Variants in SEC11A observed in about 807,000 individuals in gnomAD.
SEC11A encodes the protein signal peptidase complex catalytic subunit SEC11A.
A neutral mutation model predicts 25.6 loss-of-function variants in SEC11A; 14 were observed. The ratio of observed to expected loss-of-function variants is 0.55; its 90% CI spans 0.36 to 0.85. The LOEUF (loss-of-function observed/expected upper bound fraction) is 0.85. Among genes scored for constraint, SEC11A ranks in the 40% least tolerant of loss-of-function variants. SEC11A has a pLI of 0.01. For synonymous variants in SEC11A, 83 were observed against 76.4 expected (o/e 1.09, Z -0.45); for missense variants, 153 against 222.9 (o/e 0.69, Z 2.00).
At chr15:84,681,319 G>A (rs182731057) in intron 3 of SEC11A, among the ~76,000 whole-genome samples, 80 of 152,274 alleles carry the variant, frequency 5.3e-4, no homozygotes, top group Non-Finnish European at 2.2e-4. Context: ...AGAAAGTTAG[G>A]GAAGTAACCT....
rs766970019 is a variant in SEC11A, at chr15:84,680,773, C to G, written c.371G>C (p.Gly124Ala). 1.9e-6 allele frequency: 3 copies of G among 1,612,328 alleles called. No homozygotes were observed. The highest frequency in any genetic ancestry group is 2.2e-5 in the South Asian group (2 of 90,960). ...CCAATGTTGTCCTTGTTTATAGAGG[C>G]CTCGGTCATCAACCGCATTATTATC... is the stretch of plus-strand genomic sequence containing the variant. The part of the protein sequence containing the change: ...KGDNNAVDDR[G>A]LYKQGQHWLE... The change falls in exon 4 of 6, where the codon GGC becomes GCC. Residue 124 changes from glycine to alanine, a missense_variant. Physicochemically the swap from Gly to Ala is moderately conservative, Grantham distance 60. Coordinates refer to ENST00000268220, the MANE Select transcript of SEC11A (RefSeq NM_014300.4).
At chr15:84,687,390 G>C (rs1258310636) in intron 3 of SEC11A, among the ~76,000 whole-genome samples, 1 of 152,176 alleles carries the variant, frequency 6.6e-6, no homozygotes, top group African/African-American at 2.4e-5. Context: ...AGGTTGGGAA[G>C]TAAAAGGGAA....
intron 3 of SEC11A, among the ~76,000 whole-genome samples, chr15:84,683,623 C>G (rs1257580166): frequency 2.0e-5 from 3 of 151,752 alleles, no homozygotes; most frequent in African/African-American, 7.3e-5. Flanking sequence ...ATGACGCGAT[C>G]TTGGCTCACT....
rs551041625 is a variant in SEC11A, at chr15:84,690,445, G to A, written c.161+1090C>T. 5.0e-4 allele frequency among the ~76,000 whole-genome samples: 76 copies of A among 152,060 alleles called. No homozygotes were observed. In the South Asian group the frequency reaches 0.014, roughly 28 times the overall value. ...CAGCATGAAAATGGACTAATACACC[G>A]TCTCTACAAAAAAATTAAAAAATTA... On this transcript the variant is annotated intron_variant, in intron 2 of 5. Transcript: ENST00000268220.
intron 1 of SEC11A, among the ~76,000 whole-genome samples, chr15:84,713,194 A>C (rs1378019053): frequency 1.4e-5 from 2 of 138,218 alleles, no homozygotes; most frequent in African/African-American, 5.6e-5. Context: ...ACTCCGTCTC[A>C]AAAAAAAAAA....
chr15:84,700,593 C>CAAAAAAAAAAAAAAA (rs776113920), intron 1 of SEC11A, among the ~76,000 whole-genome samples: 1 of 36,102 alleles, frequency 2.8e-5, no homozygotes, highest in Non-Finnish European at 4.4e-5. Flanking sequence ...GACTCTGTCT[C>CAAAAAAAAAAAAAAA]AAAAAAAAAA....
intron 1 of SEC11A, among the ~76,000 whole-genome samples, chr15:84,696,719 A>G (rs1035434676): frequency 1.3e-5 from 2 of 152,212 alleles, no homozygotes; most frequent in Non-Finnish European, 2.9e-5. Context: ...TTTTGGCAGC[A>G]AAACAAAAAT....
intron 1 of SEC11A, among the ~76,000 whole-genome samples, chr15:84,703,961 T>C (rs1018835532): frequency 6.6e-6 from 1 of 152,136 alleles, no homozygotes; most frequent in Non-Finnish European, 1.5e-5. Context: ...CCCAACGGAC[T>C]CATGACCAAA....
At chr15:84,713,772 T>G (rs1194571237) in intron 1 of SEC11A, among the ~76,000 whole-genome samples, 2 of 152,210 alleles carry the variant, frequency 1.3e-5, no homozygotes, top group Non-Finnish European at 2.9e-5. Flanking sequence ...GGTTTGCAAG[T>G]GCTGAGTGAA....
intron 1 of SEC11A, among the ~76,000 whole-genome samples, chr15:84,713,661 C>T (rs1351366730): frequency 6.6e-6 from 1 of 152,196 alleles, no homozygotes; most frequent in African/African-American, 2.4e-5. Context: ...GCAGAGTAGC[C>T]TATTCATTGT....
chr15:84,674,047 T>A (rs1897072228), intron 4 of SEC11A, among the ~76,000 whole-genome samples: 1 of 152,094 alleles, frequency 6.6e-6, no homozygotes, highest in Admixed American at 6.5e-5. Flanking sequence ...AAGTACAATT[T>A]TAGTGTGAGA....
At chr15:84,679,122 G>C (rs1897218623) in intron 4 of SEC11A, 1 of 341,286 alleles carries the variant, frequency 2.9e-6, no homozygotes. Context: ...AAGTGACTTT[G>C]CTTTTTGATT....
At chr15:84,682,669 T>G (rs2141881930) in intron 3 of SEC11A, among the ~76,000 whole-genome samples, 2 of 152,240 alleles carry the variant, frequency 1.3e-5, no homozygotes, top group Non-Finnish European at 2.9e-5. Flanking sequence ...CAGGCTGGTC[T>G]GGAACTCCTG....
chr15:84,712,119 T>C (rs1898292518), intron 1 of SEC11A, among the ~76,000 whole-genome samples: 1 of 152,030 alleles, frequency 6.6e-6, no homozygotes, highest in South Asian at 2.1e-4. Context: ...CACACATCCA[T>C]AGTCCCAACT....
intron 1 of SEC11A, among the ~76,000 whole-genome samples, chr15:84,709,634 G>A (rs1479123417): frequency 6.6e-6 from 1 of 151,990 alleles, no homozygotes; most frequent in Non-Finnish European, 1.5e-5. Context: ...GTAGAGACGG[G>A]GCTTCACTAC....
chr15:84,678,903 A>G (rs1453993030), intron 4 of SEC11A, among the ~76,000 whole-genome samples: 1 of 152,026 alleles, frequency 6.6e-6, no homozygotes, highest in African/African-American at 2.4e-5. Flanking sequence ...CTGAGGCACA[A>G]GAATCTTTTA....
chr15:84,708,881 T>C (rs1467819201), intron 1 of SEC11A, among the ~76,000 whole-genome samples: 1 of 151,996 alleles, frequency 6.6e-6, no homozygotes. Flanking sequence ...TACTAAGAGA[T>C]AGGAAGATAT....
rs1173296799 is a variant in SEC11A at position 84,687,886 on chromosome 15, C to G, written c.162-112G>C. Reference sequence around the variant, plus strand: ...TATCACTTTGGGAGTATACTCAATACCCTAACAACTATATCAACAGAAATG... The same window carrying G: ...TATCACTTTGGGAGTATACTCAATAGCCTAACAACTATATCAACAGAAATG... On this transcript the variant is annotated intron_variant, in intron 2 of 5. Coordinates refer to ENST00000268220, the MANE Select transcript of SEC11A (RefSeq NM_014300.4). 3.6e-6 allele frequency: 3 copies of G among 833,292 alleles called. No homozygotes were observed. In the South Asian group the frequency reaches 5.4e-5, roughly 15 times the overall value. 51.6% of individuals were successfully genotyped at this position (833,292 alleles called of 1,614,324 possible).
At chr15:84,697,850 A>G (rs538464426) in intron 1 of SEC11A, among the ~76,000 whole-genome samples, 1 of 152,352 alleles carries the variant, frequency 6.6e-6, no homozygotes, top group African/African-American at 2.4e-5. Flanking sequence ...TATGTAGAAT[A>G]ATAACCACAG....
Sources: allele counts gnomAD v4.1 joint callset (sites outside exome capture counted in the v4.1 genomes callset), GRCh38; gene constraint gnomAD v4.1.1; transcripts MANE v1.5; gene names NCBI Gene and HGNC (gene_info 2026-07-23, HGNC 2026-07-21).